PTPRB: variants seen among roughly 807,000 people sequenced by gnomAD.
PTPRB encodes the protein protein tyrosine phosphatase receptor type B.
Under a neutral mutation model 238.1 loss-of-function variants are expected in PTPRB, and 97 were observed. That is an observed-to-expected ratio of 0.41 (90% CI 0.35 to 0.48). The LOEUF (loss-of-function observed/expected upper bound fraction) is 0.48, where lower values mean the gene tolerates loss of function less well. Ranked by LOEUF, PTPRB falls within the 20% of genes least tolerant of loss-of-function variation. PTPRB has a pLI of 0.30. For missense variants in PTPRB, 2,292 were observed against 2,681.9 expected (o/e 0.85, Z 3.21); for synonymous variants, 970 against 995.4 (o/e 0.97, Z 0.48).
intron 4 of PTPRB, among the ~76,000 whole-genome samples, chr12:70,607,202 T>G (rs923757800): frequency 1.3e-5 from 2 of 152,252 alleles, no homozygotes; most frequent in Non-Finnish European, 2.9e-5. Flanking sequence ...AAGTAAATCC[T>G]CTGGTTTAAA....
chr12:70,548,421 G>T (rs1876406311), intron 21 of PTPRB, among the ~76,000 whole-genome samples: 2 of 150,620 alleles, frequency 1.3e-5, no homozygotes, highest in Non-Finnish European at 2.9e-5. Flanking sequence ...AAAAAGCCTG[G>T]GCTAGGAACA....
In PTPRB at chr12:70,535,224, G is replaced by GTT. The variant is rs71457059; in HGVS notation, c.6082-271_6082-270dup. Among the ~76,000 whole-genome samples the GTT allele has an allele frequency of 3.5e-4, 29 of 82,004 alleles. No individual in the cohort carries two copies. In the South Asian group the frequency reaches 7.2e-3, roughly 20 times the overall value. 53.8% of individuals were successfully genotyped at this position (82,004 alleles called of 152,430 possible). On this transcript the variant is annotated intron_variant, in intron 29 of 33. Coordinates refer to ENST00000334414, the MANE Select transcript of PTPRB (RefSeq NM_001109754.4). ...TTAGGCCCAGTAATATATGGCTTGAGTTTTTTTTTTTTTTTTTTTTTTTTT... is the reference window on the plus strand; with the variant it reads ...TTAGGCCCAGTAATATATGGCTTGAGTTTTTTTTTTTTTTTTTTTTTTTTTTT...
At position 70,559,525 on chromosome 12, in the gene PTPRB, A is replaced by G. The variant is rs889637334; in HGVS notation, c.4532T>C (p.Phe1511Ser). The change falls in exon 18 of 34, where the codon TTT becomes TCT. Residue 1511 changes from phenylalanine (F) to serine (S), a missense_variant. By Grantham distance (155) the Phe-to-Ser change is radical. Coordinates refer to ENST00000334414, the MANE Select transcript of PTPRB (RefSeq NM_001109754.4). ...ATCTCTGGGCAACCACTGCAGCTCA[A>G]AGTCGTTGTAGTCTGTCCAGTCTGG... is the stretch of plus-strand genomic sequence containing the variant. ...GPPDWTDYND[F>S]ELQWLPRDAL... 6.2e-7 allele frequency: 1 copy of G among 1,614,000 alleles called. No individual in the cohort carries two copies. Among genetic ancestry groups the G allele is most frequent in the Non-Finnish European group, 8.5e-7 (1 of 1,179,870 alleles).
intron 4 of PTPRB, among the ~76,000 whole-genome samples, chr12:70,600,524 A>G (rs1883387307): frequency 6.6e-6 from 1 of 152,276 alleles, no homozygotes; most frequent in Non-Finnish European, 1.5e-5. Flanking sequence ...CTACTGTAGC[A>G]TAGTCAAAAT....
Position 70,546,136 on chromosome 12 carries a change from C to CAA in PTPRB, c.5388-1475_5388-1474dup, listed in dbSNP as rs35320376. ...TGGGTGACAAAGCAGGACTCCACCT[C>CAA]AAAAAAAAAAAAAAAAATGACAGAC... is the stretch of plus-strand genomic sequence containing the variant. On this transcript the variant is annotated intron_variant, in intron 21 of 33. Coordinates refer to ENST00000334414, the MANE Select transcript of PTPRB (RefSeq NM_001109754.4). Among the ~76,000 whole-genome samples the CAA allele has an allele frequency of 4.4e-3, 361 of 81,968 alleles. 5 individuals are homozygous for CAA. In the South Asian group the frequency reaches 0.062, roughly 14 times the overall value. The allele number at this position is 81,968 out of a possible 152,430, so 53.8% of individuals were successfully genotyped here.
chr12:70,626,995 C>T (rs963016991), intron 2 of PTPRB, among the ~76,000 whole-genome samples: 1 of 152,010 alleles, frequency 6.6e-6, no homozygotes, highest in Non-Finnish European at 1.5e-5. Context: ...TGATACAAGA[C>T]ATAGCATAGT....
At chr12:70,616,302 T>C (rs1050819386) in intron 3 of PTPRB, among the ~76,000 whole-genome samples, 1 of 152,146 alleles carries the variant, frequency 6.6e-6, no homozygotes, top group African/African-American at 2.4e-5. Context: ...CATTCTGACA[T>C]TGGCCTTTTC....
chr12:70,582,676 G>A (rs1018902718), intron 9 of PTPRB, among the ~76,000 whole-genome samples: 7 of 151,988 alleles, frequency 4.6e-5, no homozygotes, highest in Middle Eastern at 3.2e-3. Flanking sequence ...AAAATGGGTC[G>A]CAGACCTACA....
intron 20 of PTPRB, 140 bp from the exon 21 acceptor site, chr12:70,553,160 G>A (rs2278344): frequency 0.03 from 31,301 of 1,055,666 alleles, 1,610 homozygotes; most frequent in East Asian, 0.17. Context: ...CAATCTCAAA[G>A]AACGATGTGA....
At chr12:70,555,454 A>C (rs1877514645) in intron 19 of PTPRB, 145 bp from the exon 20 acceptor site, 6 of 795,590 alleles carry the variant, frequency 7.5e-6, no homozygotes, top group South Asian at 1.9e-5. Flanking sequence ...TGCTGTAATC[A>C]AGAAACTCTC....
intron 21 of PTPRB, among the ~76,000 whole-genome samples, chr12:70,547,467 T>A (rs1315206146): frequency 6.6e-6 from 1 of 152,218 alleles, no homozygotes; most frequent in Non-Finnish European, 1.5e-5. Flanking sequence ...GATAAGAGTT[T>A]CTTATTTATA....
intron 3 of PTPRB, among the ~76,000 whole-genome samples, chr12:70,620,061 G>A (rs1444119372): frequency 6.6e-6 from 1 of 152,192 alleles, no homozygotes; most frequent in Non-Finnish European, 1.5e-5. Flanking sequence ...TCTTTTGAAA[G>A]AGCATAGCTT....
At chr12:70,594,754 C>T (rs752133882) in intron 5 of PTPRB, 30 bp from the exon 6 acceptor site, 2 of 1,610,386 alleles carry the variant, frequency 1.2e-6, no homozygotes, top group South Asian at 1.1e-5. Flanking sequence ...GTCCAAATGT[C>T]ATTAATAATT....
chr12:70,570,886 T>C, intron 13 of PTPRB, 140 bp downstream of exon 13: 2 of 912,346 alleles, frequency 2.2e-6, no homozygotes, highest in Non-Finnish European at 3.3e-6. Context: ...GACAACATCA[T>C]TGTCACTATC....
At chr12:70,598,073 G>C (rs1487212070) in intron 4 of PTPRB, among the ~76,000 whole-genome samples, 2 of 152,162 alleles carry the variant, frequency 1.3e-5, no homozygotes, top group African/African-American at 4.8e-5. Context: ...AAACACAGGT[G>C]AGCTTGGAAG....
chr12:70,532,165 C>G lies in PTPRB; in HGVS notation c.6374G>C (p.Gly2125Ala). ...AGPTVVHCSA[G>A]VGRTGTFIAL... ...AATAAAGGTTCCAGTCCTACCCACA[C>G]CAGCACTAGAAGAGATGGCAAAGGA... The change falls in exon 32 of 34, where the codon GGT becomes GCT. Residue 2125 changes from glycine (G) to alanine (A), a missense_variant. Transcript: ENST00000334414. 1 of 1,604,656 alleles carries G rather than the reference C, an allele frequency of 6.2e-7. No homozygotes were observed. The highest frequency in any genetic ancestry group is 8.5e-7 in the Non-Finnish European group (1 of 1,176,566).
chr12:70,569,856 T>C lies in PTPRB; in HGVS notation c.3453A>G (p.Gly1151=). 1 of 1,613,896 alleles carries C rather than the reference T, an allele frequency of 6.2e-7. No homozygotes were observed. The highest frequency in any genetic ancestry group is 8.5e-7 in the Non-Finnish European group (1 of 1,179,868). Reference sequence around the variant, plus strand: ...CCGACACCGTGTAGGAATCAACGTCTCCCCCACCAGGAGTCCAGTTCACCG... The same window carrying C: ...CCGACACCGTGTAGGAATCAACGTCCCCCCCACCAGGAGTCCAGTTCACCG... ...SLTVNWTPGG[G]DVDSYTVSAF... The change falls in exon 14 of 34, where the codon GGA becomes GGG. Residue 1151 remains glycine, a synonymous_variant. Coordinates refer to ENST00000334414, the MANE Select transcript of PTPRB (RefSeq NM_001109754.4).
At chr12:70,565,743 G>A (rs1388684876) in intron 15 of PTPRB, among the ~76,000 whole-genome samples, 4 of 152,172 alleles carry the variant, frequency 2.6e-5, no homozygotes, top group Non-Finnish European at 5.9e-5. Flanking sequence ...GTGGTTGTCT[G>A]AATAATGGCC....
At chr12:70,524,640 A>G in intron 32 of PTPRB, 49 bp from the exon 33 acceptor site, 1 of 1,520,418 alleles carries the variant, frequency 6.6e-7, no homozygotes, top group Non-Finnish European at 8.8e-7. Flanking sequence ...CTCATGCATA[A>G]GAAAGATGAG....
Sources: allele counts gnomAD v4.1 joint callset (sites outside exome capture counted in the v4.1 genomes callset), GRCh38; gene constraint gnomAD v4.1.1; transcripts MANE v1.5; gene names NCBI Gene and HGNC (gene_info 2026-07-23, HGNC 2026-07-21).